The following PDE4D variants were observed in gnomAD, a reference collection of about 807,000 sequenced individuals.
The protein encoded by PDE4D is phosphodiesterase 4D.
Under a neutral mutation model 87.4 loss-of-function variants are expected in PDE4D, and 24 were observed. The observed-to-expected ratio is 0.27, with a 90% confidence interval of 0.20 to 0.39. The LOEUF (loss-of-function observed/expected upper bound fraction) is 0.39. Among genes scored for constraint, PDE4D ranks in the 10% least tolerant of loss-of-function variants. The probability of loss-of-function intolerance (pLI) is 1.00; values close to 1 mark genes in which losing one functional copy is unlikely to be tolerated. For synonymous variants in PDE4D, 384 were observed against 383.2 expected, an observed-to-expected ratio of 1.00 and a Z score of -0.02; for missense variants, 714 against 1,041.0, an observed-to-expected ratio of 0.69 and a Z score of 4.32.
intron 4 of PDE4D, among the ~76,000 whole-genome samples, chr5:59,184,780 A>C (rs1051539326): frequency 1.3e-5 from 2 of 152,132 alleles, no homozygotes; most frequent in African/African-American, 4.8e-5. Context: ...GGAGAATCAA[A>C]GATCTTTGCT....
intron 1 of PDE4D, among the ~76,000 whole-genome samples, chr5:59,574,121 T>A (rs796417204): frequency 2.6e-4 from 1 of 3,796 alleles, no homozygotes; most frequent in Non-Finnish European, 8.2e-4. Context: ...TATATATAAA[T>A]ATATATTTAT....
chr5:59,159,271 G>A (rs1185129111), intron 5 of PDE4D, among the ~76,000 whole-genome samples: 1 of 151,542 alleles, frequency 6.6e-6, no homozygotes, highest in Non-Finnish European at 1.5e-5. Context: ...TAGGACTACA[G>A]GCATGTGCCA....
At chr5:59,851,165 C>T (rs576708997) in intron 1 of PDE4D, among the ~76,000 whole-genome samples, 67 of 152,112 alleles carry the variant, frequency 4.4e-4, no homozygotes, top group South Asian at 6.2e-4. Flanking sequence ...GAAATGAGAC[C>T]TGCCTGCAAC....
intron 1 of PDE4D, among the ~76,000 whole-genome samples, chr5:59,338,563 T>C (rs1170937571): frequency 6.6e-6 from 1 of 152,168 alleles, no homozygotes; most frequent in African/African-American, 2.4e-5. Context: ...TCATTAGCTT[T>C]TGAAAGTCAT....
chr5:60,285,656 T>G (rs1752353209), intron 1 of PDE4D, among the ~76,000 whole-genome samples: 1 of 152,204 alleles, frequency 6.6e-6, no homozygotes, highest in South Asian at 2.1e-4. Flanking sequence ...AAAAGCTATG[T>G]GTGAATATAA....
chr5:60,396,163 C>T (rs1762870573), intron 1 of PDE4D, among the ~76,000 whole-genome samples: 1 of 152,210 alleles, frequency 6.6e-6, no homozygotes, highest in Non-Finnish European at 1.5e-5. Flanking sequence ...ATCCACTGCG[C>T]ATGTTCCCAA....
At position 60,515,807 on chromosome 5, in the gene PDE4D, A is replaced by T. The variant is rs1245581010; in HGVS notation, n.70+6244T>A. On this transcript the variant is annotated intron_variant and non_coding_transcript_variant, in intron 1 of 2. Transcript: ENST00000506510. ...TGGGTTACAAACCAGACTCATTTTC[A>T]ATAAAAAAGAAGAGAATACAAATCA... Among the ~76,000 whole-genome samples the T allele has an allele frequency of 7.2e-5, 11 of 152,144 alleles. No homozygotes were observed. In the East Asian group the frequency reaches 2.1e-3, roughly 29 times the overall value.
intron 1 of PDE4D, among the ~76,000 whole-genome samples, chr5:59,416,030 TG>T: frequency 1.3e-5 from 2 of 152,320 alleles, no homozygotes; most frequent in Admixed American, 1.3e-4. Flanking sequence ...GGAAGATGAC[TG>T]AGGAGAATGC....
chr5:59,629,714 GA>G (rs2150142054), intron 1 of PDE4D, among the ~76,000 whole-genome samples: 1 of 152,292 alleles, frequency 6.6e-6, no homozygotes, highest in East Asian at 1.9e-4. Context: ...GCAACTTGAT[GA>G]GGAAGCCATG....
At chr5:60,305,847 A>T (rs1366441408) in intron 1 of PDE4D, among the ~76,000 whole-genome samples, 1 of 152,106 alleles carries the variant, frequency 6.6e-6, no homozygotes, top group Non-Finnish European at 1.5e-5. Context: ...ACACACACAT[A>T]GTTATAACTG....
At chr5:59,462,390 A>T (rs1433385192) in intron 1 of PDE4D, among the ~76,000 whole-genome samples, 1 of 152,022 alleles carries the variant, frequency 6.6e-6, no homozygotes, top group African/African-American at 2.4e-5. Flanking sequence ...GGCCAAGCAG[A>T]TGATAGGGTG....
intron 1 of PDE4D, among the ~76,000 whole-genome samples, chr5:59,447,161 T>C (rs539007982): frequency 2.4e-4 from 37 of 152,322 alleles, no homozygotes; most frequent in African/African-American, 8.4e-4. Flanking sequence ...TTCGAGTTCA[T>C]GAAGCAAAAT....
At chr5:60,151,489 T>C (rs1781491240) in intron 2 of PDE4D, among the ~76,000 whole-genome samples, 1 of 152,196 alleles carries the variant, frequency 6.6e-6, no homozygotes. Context: ...TGTTTATTCC[T>C]AAATATTATA....
At chr5:59,188,764 T>C (rs1167910786) in intron 3 of PDE4D, among the ~76,000 whole-genome samples, 1 of 152,118 alleles carries the variant, frequency 6.6e-6, no homozygotes, top group Non-Finnish European at 1.5e-5. Flanking sequence ...AATAGAAAGG[T>C]CATTTTTATG....
intron 1 of PDE4D, among the ~76,000 whole-genome samples, chr5:59,423,157 T>C (rs1794720047): frequency 6.6e-6 from 1 of 152,084 alleles, no homozygotes; most frequent in African/African-American, 2.4e-5. Flanking sequence ...ACCTTATCCT[T>C]TTAGTTTAAC....
At chr5:59,237,073 T>C (rs1756602455) in intron 1 of PDE4D, among the ~76,000 whole-genome samples, 1 of 152,142 alleles carries the variant, frequency 6.6e-6, no homozygotes, top group Admixed American at 6.5e-5. Context: ...TTACAGATAA[T>C]GAAGTTTTAG....
chr5:59,490,704 T>G (rs1806020692), intron 1 of PDE4D, among the ~76,000 whole-genome samples: 1 of 152,212 alleles, frequency 6.6e-6, no homozygotes, highest in Non-Finnish European at 1.5e-5. Flanking sequence ...TAAAATAAAC[T>G]ATTATAACCA....
At chr5:59,411,071 G>A (rs765074724) in intron 1 of PDE4D, among the ~76,000 whole-genome samples, 1 of 152,126 alleles carries the variant, frequency 6.6e-6, no homozygotes, top group Admixed American at 6.5e-5. Context: ...TCTCCTAGCT[G>A]AGCAGGGTGA....
intron 1 of PDE4D, among the ~76,000 whole-genome samples, chr5:60,412,027 T>C (rs1443203993): frequency 1.3e-5 from 2 of 152,202 alleles, no homozygotes; most frequent in African/African-American, 2.4e-5. Flanking sequence ...AGAGTAACTA[T>C]CTCTTTTTAG....
Sources: gnomAD v4.1 joint callset for allele counts (sites outside exome capture counted in the v4.1 genomes callset) on GRCh38, gnomAD v4.1.1 for gene constraint, MANE v1.5 for transcripts, NCBI Gene and HGNC (gene_info 2026-07-23, HGNC 2026-07-21) for gene names.